The following PCDHA10 variants were observed in gnomAD, a reference collection of about 807,000 sequenced individuals.
PCDHA10 encodes the protein protocadherin alpha 10.
In PCDHA10, 45 loss-of-function variants were observed where a neutral mutation model predicts 61.2. That is an observed-to-expected ratio of 0.74 (90% CI 0.58 to 0.94). The LOEUF (loss-of-function observed/expected upper bound fraction) is 0.94, where lower values mean the gene tolerates loss of function less well. Ranked by LOEUF, PCDHA10 falls within the 40% of genes least tolerant of loss-of-function variation. The probability of loss-of-function intolerance (pLI) is 0.00; values close to 1 mark genes in which losing one functional copy is unlikely to be tolerated. For missense variants in PCDHA10, 1,278 were observed against 1,236.2 expected, an observed-to-expected ratio of 1.03 and a Z score of -0.51; for synonymous variants, 602 against 548.8, an observed-to-expected ratio of 1.10 and a Z score of -1.35.
rs1167461963 is a variant in PCDHA10 at position 140,968,386 on chromosome 5, G to A, written c.2389-10563G>A. 2.5e-6 allele frequency: 4 copies of A among 1,613,910 alleles called. No homozygotes were observed. The African/African-American group carries it at 4.0e-5, about 16-fold the overall frequency. On this transcript the variant is annotated intron_variant, in intron 1 of 3. Transcript: ENST00000307360. ...ATGCTGTCAACTCCTTTGACTATGA[G>A]AAGTTTCGGGAGTTCTTTGTGACTG...
At chr5:140,977,513 A>G (rs1378316611) in intron 1 of PCDHA10, among the ~76,000 whole-genome samples, 2 of 152,236 alleles carry the variant, frequency 1.3e-5, no homozygotes, top group African/African-American at 4.8e-5. Context: ...GCATTTTGTG[A>G]ACTTGAAAAC....
At chr5:140,945,935 G>T (rs2093863887) in intron 1 of PCDHA10, among the ~76,000 whole-genome samples, 1 of 151,964 alleles carries the variant, frequency 6.6e-6, no homozygotes, top group Admixed American at 6.6e-5. Flanking sequence ...GAGCAATGAT[G>T]TTTTTTATAT....
intron 1 of PCDHA10, among the ~76,000 whole-genome samples, chr5:140,962,617 G>A (rs189225320): frequency 3.8e-4 from 58 of 152,276 alleles, no homozygotes; most frequent in Non-Finnish European, 1.9e-4. Context: ...GAGGAAGGGA[G>A]ATGTGAAAAA....
At chr5:140,902,403 T>G (rs1554190429) in intron 1 of PCDHA10, among the ~76,000 whole-genome samples, 1 of 152,102 alleles carries the variant, frequency 6.6e-6, no homozygotes, top group African/African-American at 2.4e-5. Flanking sequence ...TTGAATACTA[T>G]GTTGAATAAC....
At chr5:140,873,752 C>T (rs2054472285) in intron 1 of PCDHA10, among the ~76,000 whole-genome samples, 1 of 152,154 alleles carries the variant, frequency 6.6e-6, no homozygotes, top group Non-Finnish European at 1.5e-5. Flanking sequence ...TCTCCACCTC[C>T]CATGTTCAAG....
rs782166134 is a variant in PCDHA10 at position 140,929,299 on chromosome 5, G to C, written c.2389-49650G>C. Reference sequence around the variant, plus strand: ...CTGTATTCAGATTCGGAATAGGAAAGGGGATCACGCTAATGTCAATGCCAT... The same window carrying C: ...CTGTATTCAGATTCGGAATAGGAAACGGGATCACGCTAATGTCAATGCCAT... On this transcript the variant is annotated intron_variant, in intron 1 of 3. Coordinates refer to ENST00000307360, the MANE Select transcript of PCDHA10 (RefSeq NM_018901.4). 1.2e-5 allele frequency: 19 copies of C among 1,590,714 alleles called. No individual in the cohort carries two copies. The highest frequency in any genetic ancestry group is 1.6e-5 in the Non-Finnish European group (19 of 1,164,870).
chr5:140,878,239 T>C (rs1198199054), intron 1 of PCDHA10: 1 of 155,370 alleles, frequency 6.4e-6, no homozygotes, highest in Non-Finnish European at 1.4e-5. Context: ...ATGGATTCTT[T>C]AACTCTTCCT....
intron 1 of PCDHA10, chr5:140,860,649 AG>A (rs2046495256): frequency 1.3e-5 from 2 of 152,282 alleles, no homozygotes; most frequent in Non-Finnish European, 2.9e-5. Context: ...GAAGAAGATA[AG>A]TGAAATAATA....
chr5:140,967,021 C>G, intron 1 of PCDHA10: 2 of 1,607,830 alleles, frequency 1.2e-6, no homozygotes, highest in Non-Finnish European at 1.7e-6. Context: ...TGGGTGCGCC[C>G]AGTCCGCGCT....
At chr5:140,981,725 A>T (rs1554243280) in intron 2 of PCDHA10, among the ~76,000 whole-genome samples, 1 of 151,396 alleles carries the variant, frequency 6.6e-6, no homozygotes, top group Non-Finnish European at 1.5e-5. Context: ...TCCAACAAAT[A>T]TTTGAGAGAT....
rs1554262648 is a variant in PCDHA10, at chr5:141,010,047, A to G, written c.*110A>G. On this transcript the variant is annotated 3_prime_UTR_variant, in exon 4 of 4. Coordinates refer to ENST00000307360, the MANE Select transcript of PCDHA10 (RefSeq NM_018901.4). The stretch of plus-strand genomic sequence containing the variant: ...CCTATCTACATGAGCCCTCTTAGAG[A>G]CCTCAGAAATCTGCAGAAAGTTCCC... 1.9e-6 allele frequency: 3 copies of G among 1,595,144 alleles called. No homozygotes were observed. The highest frequency in any genetic ancestry group is 1.7e-6 in the Non-Finnish European group (2 of 1,171,458).
At chr5:140,876,768 G>A (rs2056572417) in intron 1 of PCDHA10, 3 of 1,614,212 alleles carry the variant, frequency 1.9e-6, no homozygotes, top group Non-Finnish European at 2.5e-6. Flanking sequence ...ATGGGGGCTC[G>A]CCTTCGCTGT....
At chr5:140,863,310 G>A (rs2047937786) in intron 1 of PCDHA10, 2 of 1,463,012 alleles carry the variant, frequency 1.4e-6, no homozygotes, top group Non-Finnish European at 1.9e-6. Context: ...CCATCTGCGT[G>A]GTGTCCAGCC....
At position 140,942,409 on chromosome 5, in the gene PCDHA10, TA is replaced by T. The variant is rs78736997; in HGVS notation, c.2389-36528del. Among the ~76,000 whole-genome samples, 464 of 143,336 alleles carry T rather than the reference TA, an allele frequency of 3.2e-3. 2 individuals are homozygous for T. Among genetic ancestry groups the T allele is most frequent in the African/African-American group, 7.7e-3 (304 of 39,312 alleles). The allele number at this position is 143,336 out of a possible 152,430, so 94.0% of individuals were successfully genotyped here. Reference sequence around the variant, plus strand: ...CCTGGGCGACAGATGAGACTCTGTTTAAAAAAAAAAAAGATATCTAACAATA... The same window carrying T: ...CCTGGGCGACAGATGAGACTCTGTTTAAAAAAAAAAAGATATCTAACAATA... On this transcript the variant is annotated intron_variant, in intron 1 of 3. Transcript: ENST00000307360.
intron 1 of PCDHA10, among the ~76,000 whole-genome samples, chr5:140,972,283 A>C (rs2096528536): frequency 2.7e-5 from 4 of 149,876 alleles, no homozygotes; most frequent in Admixed American, 2.7e-4. Flanking sequence ...TGGACCATAG[A>C]TGTGCGCCAC....
chr5:140,974,944 T>C (rs1216786290), intron 1 of PCDHA10, among the ~76,000 whole-genome samples: 1 of 152,210 alleles, frequency 6.6e-6, no homozygotes, highest in African/African-American at 2.4e-5. Context: ...ACCTATTTGT[T>C]ATCTCACAGT....
chr5:140,918,651 C>A (rs1418223257), intron 1 of PCDHA10, among the ~76,000 whole-genome samples: 1 of 152,144 alleles, frequency 6.6e-6, no homozygotes, highest in African/African-American at 2.4e-5. Flanking sequence ...AAACCTAATT[C>A]TCATGTTGAT....
intron 1 of PCDHA10, among the ~76,000 whole-genome samples, chr5:140,890,656 A>C (rs181998048): frequency 1.3e-5 from 2 of 152,300 alleles, no homozygotes; most frequent in Admixed American, 6.5e-5. Context: ...CAAAATCAAA[A>C]GTTAACTGAA....
intron 1 of PCDHA10, among the ~76,000 whole-genome samples, chr5:140,934,826 A>C (rs556197038): frequency 1.1e-4 from 17 of 152,294 alleles, no homozygotes; most frequent in South Asian, 1.0e-3. Context: ...TAACTTTGGC[A>C]AGTTGGGAAC....
Sources: allele counts gnomAD v4.1 joint callset (sites outside exome capture counted in the v4.1 genomes callset), GRCh38; gene constraint gnomAD v4.1.1; transcripts MANE v1.5; gene names NCBI Gene and HGNC (gene_info 2026-07-23, HGNC 2026-07-21).